FILIP1L: variants seen among roughly 807,000 people sequenced by gnomAD.
FILIP1L encodes the protein filamin A interacting protein 1 like.
FILIP1L carries 55 observed loss-of-function variants against 96.6 expected under a neutral mutation model. That is an observed-to-expected ratio of 0.57 (90% CI 0.46 to 0.71). FILIP1L has a LOEUF of 0.71. FILIP1L is among the 30% of genes least tolerant of loss of function. The pLI, the probability that FILIP1L is intolerant of heterozygous loss-of-function variation, is 0.00. For synonymous variants in FILIP1L, 467 were observed against 473.9 expected, an observed-to-expected ratio of 0.99 and a Z score of 0.19; for missense variants, 1,304 against 1,321.2, an observed-to-expected ratio of 0.99 and a Z score of 0.20.
chr3:100,058,039 C>G (rs1460804751), intron 1 of FILIP1L, among the ~76,000 whole-genome samples: 1 of 152,200 alleles, frequency 6.6e-6, no homozygotes, highest in South Asian at 2.1e-4. Context: ...CCACTCATGC[C>G]TCAAAGTAAT....
chr3:100,075,533 A>G (rs2065836261), intron 1 of FILIP1L: 1 of 148,342 alleles, frequency 6.7e-6, no homozygotes, highest in East Asian at 1.9e-4. Context: ...TTTTTACTTC[A>G]TATCCCAATC....
intron 4 of FILIP1L, among the ~76,000 whole-genome samples, chr3:99,852,009 T>G (rs1943721574): frequency 2.0e-5 from 3 of 152,346 alleles, no homozygotes; most frequent in East Asian, 3.9e-4. Flanking sequence ...AGGAACATAA[T>G]AATTCCCTCT....
intron 1 of FILIP1L, among the ~76,000 whole-genome samples, chr3:100,104,554 A>G (rs1377733485): frequency 6.6e-6 from 1 of 152,210 alleles, no homozygotes; most frequent in Admixed American, 6.5e-5. Flanking sequence ...CCCAAGACCC[A>G]GAGGACAGTG....
intron 4 of FILIP1L, among the ~76,000 whole-genome samples, chr3:99,861,652 C>A (rs1944261286): frequency 6.6e-6 from 1 of 152,250 alleles, no homozygotes; most frequent in East Asian, 1.9e-4. Context: ...ACTGCCTGTT[C>A]CCTATTACCC....
At chr3:99,962,795 T>C (rs955564003) in intron 1 of FILIP1L, among the ~76,000 whole-genome samples, 1 of 152,228 alleles carries the variant, frequency 6.6e-6, no homozygotes, top group Non-Finnish European at 1.5e-5. Flanking sequence ...AGGATTTGGC[T>C]GCAGCCCCTA....
chr3:100,040,222 C>T (rs911187168), intron 1 of FILIP1L: 1 of 152,058 alleles, frequency 6.6e-6, no homozygotes, highest in African/African-American at 2.4e-5. Flanking sequence ...CCACTTACAA[C>T]ATAAGATTAA....
intron 1 of FILIP1L, among the ~76,000 whole-genome samples, chr3:99,942,506 T>C (rs776432833): frequency 2.6e-5 from 4 of 152,206 alleles, no homozygotes; most frequent in Non-Finnish European, 5.9e-5. Context: ...AAGAAAGCAC[T>C]AGGCACATAT....
At chr3:99,983,462 GTGTATA>G (rs1323453733) in intron 1 of FILIP1L, among the ~76,000 whole-genome samples, 214 of 11,872 alleles carry the variant, frequency 0.018, no homozygotes, top group South Asian at 0.074. Flanking sequence ...ATATATATGT[GTGTATA>G]TATATATATA....
chr3:100,070,014 C>T (rs1462335987), intron 1 of FILIP1L, among the ~76,000 whole-genome samples: 2 of 151,774 alleles, frequency 1.3e-5, no homozygotes, highest in African/African-American at 2.4e-5. Flanking sequence ...TTGTTTGATC[C>T]TCAAATAAAA....
intron 4 of FILIP1L, among the ~76,000 whole-genome samples, chr3:99,853,503 G>T (rs746296021): frequency 3.3e-5 from 5 of 152,232 alleles, no homozygotes; most frequent in Non-Finnish European, 7.3e-5. Flanking sequence ...ATGGTGATTA[G>T]TGAGTGCAGT....
intron 1 of FILIP1L, among the ~76,000 whole-genome samples, chr3:100,084,856 A>G (rs1298500749): frequency 6.6e-6 from 1 of 152,184 alleles, no homozygotes; most frequent in Non-Finnish European, 1.5e-5. Flanking sequence ...TAAAATACCT[A>G]TCCCCAATCA....
At position 99,850,947 on chromosome 3, in the gene FILIP1L, C is replaced by T; in HGVS notation, c.729G>A (p.Val243=). The change falls in exon 5 of 6, where the codon GTG becomes GTA. Residue 243 remains valine, a synonymous_variant. Transcript: ENST00000477258. ...TKLKSFALMV[V]DEQQRLTAQL... ...GTGCCGTCAGCCTTTGCTGTTCATCCACCACCATCAAAGCAAAAGACTTCA... is the reference window on the plus strand; with the variant it reads ...GTGCCGTCAGCCTTTGCTGTTCATCTACCACCATCAAAGCAAAAGACTTCA... The T allele has an allele frequency of 1.9e-6, 3 of 1,614,176 alleles. No individual in the cohort carries two copies. Among genetic ancestry groups the T allele is most frequent in the Non-Finnish European group, 2.5e-6 (3 of 1,180,022 alleles).
intron 3 of FILIP1L, among the ~76,000 whole-genome samples, chr3:99,925,242 T>A (rs1256584115): frequency 2.0e-5 from 3 of 152,226 alleles, no homozygotes; most frequent in Non-Finnish European, 1.5e-5. Context: ...TGGTGTATAG[T>A]GTGAATGTCA....
intron 1 of FILIP1L, among the ~76,000 whole-genome samples, chr3:100,005,660 T>C (rs1709966135): frequency 6.6e-6 from 1 of 152,214 alleles, no homozygotes; most frequent in Admixed American, 6.5e-5. Context: ...TTAATGGAAA[T>C]TTATAAGCCT....
rs555819875 is a variant in FILIP1L at position 100,074,675 on chromosome 3, A to ATTTTTTTTTTTTTTTTTTTTTTTTTTTT, written c.-11+39350_-11+39377dup. ...ATTTTCTATGCATGTGCAACATTTGATTTTTTTTTTTTTTTTTTTTTTTTT... is the reference window on the plus strand; with the variant it reads ...ATTTTCTATGCATGTGCAACATTTGATTTTTTTTTTTTTTTTTTTTTTTTTTTTTTTTTTTTTTTTTTTTTTTTTTTTT... On this transcript the variant is annotated intron_variant, in intron 1 of 5. Transcript: ENST00000477258. Among the ~76,000 whole-genome samples, 26 of 34,802 alleles carry ATTTTTTTTTTTTTTTTTTTTTTTTTTTT rather than the reference A, an allele frequency of 7.5e-4. 10 individuals are homozygous for ATTTTTTTTTTTTTTTTTTTTTTTTTTTT. Among genetic ancestry groups the ATTTTTTTTTTTTTTTTTTTTTTTTTTTT allele is most frequent in the East Asian group, 1.1e-3 (1 of 942 alleles). 22.8% of individuals were successfully genotyped at this position (34,802 alleles called of 152,430 possible). A position where few individuals can be genotyped will look rare whatever the true frequency, so the allele number is the denominator to read the frequency against.
chr3:99,943,124 A>C (rs1175295396), intron 1 of FILIP1L, among the ~76,000 whole-genome samples: 1 of 152,196 alleles, frequency 6.6e-6, no homozygotes, highest in African/African-American at 2.4e-5. Flanking sequence ...GTTTCTTTAA[A>C]GGCGAACTTA....
At chr3:99,927,799 G>C (rs1455014479) in intron 3 of FILIP1L, among the ~76,000 whole-genome samples, 3 of 152,104 alleles carry the variant, frequency 2.0e-5, no homozygotes, top group Non-Finnish European at 2.9e-5. Context: ...TGTGGACTGA[G>C]TCCTTGCCTC....
At chr3:100,053,954 C>T (rs1234102917) in intron 1 of FILIP1L, among the ~76,000 whole-genome samples, 1 of 152,244 alleles carries the variant, frequency 6.6e-6, no homozygotes, top group Admixed American at 6.5e-5. Flanking sequence ...CTGGCCCACA[C>T]TTCTTCCCAA....
intron 1 of FILIP1L, among the ~76,000 whole-genome samples, chr3:99,974,182 A>G (rs1470877147): frequency 2.6e-5 from 4 of 152,214 alleles, no homozygotes. Context: ...TTTCCATTGG[A>G]TAACATGGAG....
Sources: gnomAD v4.1 joint callset for allele counts (sites outside exome capture counted in the v4.1 genomes callset) on GRCh38, gnomAD v4.1.1 for gene constraint, MANE v1.5 for transcripts, NCBI Gene and HGNC (gene_info 2026-07-23, HGNC 2026-07-21) for gene names.